Variants in CFAP54 observed in about 807,000 individuals in gnomAD.
CFAP54 encodes the protein cilia and flagella associated protein 54, also known as cilia- and flagella-associated protein 54.
In CFAP54, 290 loss-of-function variants were observed where a neutral mutation model predicts 370.4. The ratio of observed to expected loss-of-function variants is 0.78; its 90% confidence interval spans 0.71 to 0.86. CFAP54 has a LOEUF of 0.86. Ranked by LOEUF, CFAP54 falls within the 40% of genes least tolerant of loss-of-function variation. The pLI is 0.00. For synonymous variants in CFAP54, 1,206 were observed against 1,236.5 expected (o/e 0.98, Z 0.52); for missense variants, 3,399 against 3,528.7 (o/e 0.96, Z 0.93).
At chr12:96,578,321 C>T (rs1018915856) in intron 20 of CFAP54, among the ~76,000 whole-genome samples, 1 of 152,178 alleles carries the variant, frequency 6.6e-6, no homozygotes, top group Admixed American at 6.5e-5. Flanking sequence ...ATAGAAGTGA[C>T]ATTCATCTTA....
intron 48 of CFAP54, among the ~76,000 whole-genome samples, chr12:96,716,637 G>T (rs1263939491): frequency 1.3e-5 from 2 of 152,192 alleles, no homozygotes; most frequent in African/African-American, 2.4e-5. Context: ...ACAAGGGGCT[G>T]TGTTTTGCAG....
Position 96,707,917 on chromosome 12 carries a change from AAG to A in CFAP54, c.6529-682_6529-681del, listed in dbSNP as rs368002069. Among the ~76,000 whole-genome samples the A allele has an allele frequency of 4.2e-3, 639 of 152,196 alleles. 7 individuals carry two copies. The highest frequency in any genetic ancestry group is 0.036 in the South Asian group (174 of 4,818). On this transcript the variant is annotated intron_variant, in intron 47 of 67. Transcript: ENST00000524981. ...AAGGGCGCAAAATGGTTGTCTAAGA[AAG>A]AGAGAGAGGGTGAATGGACTGGCAA...
At chr12:96,517,478 G>A (rs1271306116) in intron 5 of CFAP54, among the ~76,000 whole-genome samples, 1 of 152,146 alleles carries the variant, frequency 6.6e-6, no homozygotes, top group Admixed American at 6.5e-5. Flanking sequence ...ATTTAAAGGG[G>A]AAATTTAGGC....
At chr12:96,661,886 G>A (rs1417745435) in intron 38 of CFAP54, among the ~76,000 whole-genome samples, 1 of 152,010 alleles carries the variant, frequency 6.6e-6, no homozygotes, top group Non-Finnish European at 1.5e-5. Flanking sequence ...TCTAAATTTA[G>A]CACATCTCAA....
intron 45 of CFAP54, among the ~76,000 whole-genome samples, chr12:96,698,271 G>A (rs1212432877): frequency 6.6e-6 from 1 of 151,794 alleles, no homozygotes; most frequent in Non-Finnish European, 1.5e-5. Flanking sequence ...TGATCCTGCT[G>A]GATTATATTC....
chr12:96,823,640 A>G (rs1242031096), intron 65 of CFAP54, among the ~76,000 whole-genome samples: 2 of 152,142 alleles, frequency 1.3e-5, no homozygotes, highest in Non-Finnish European at 2.9e-5. Context: ...TGTCTCTCCA[A>G]TTGCCCTCAC....
At chr12:96,663,286 G>A (rs1957016721) in intron 38 of CFAP54, among the ~76,000 whole-genome samples, 1 of 152,176 alleles carries the variant, frequency 6.6e-6, no homozygotes. Context: ...TTCAAGGGAT[G>A]GGAGTGAAGA....
chr12:96,533,790 A>C lies in CFAP54; in HGVS notation c.1358-2A>C. The C allele has an allele frequency of 1.3e-6, 2 of 1,502,902 alleles. No individual in the cohort carries two copies. The highest frequency in any genetic ancestry group is 1.8e-6 in the Non-Finnish European group (2 of 1,134,874). The allele number at this position is 1,502,902 out of a possible 1,614,324, so 93.1% of individuals were successfully genotyped here. The stretch of plus-strand genomic sequence containing the variant: ...TTCAAAACTCTCTTCTTCCTTTCCT[A>C]GTGTCAAATATTGGTGCAGATGGAA... On this transcript the variant is annotated splice_acceptor_variant, in intron 9 of 67. Coordinates refer to ENST00000524981, the MANE Select transcript of CFAP54 (RefSeq NM_001306084.2). LOFTEE classifies it high-confidence loss of function.
rs144322110 is a variant in CFAP54 at position 96,656,556 on chromosome 12, T to C, written c.5101-1326T>C. Among the ~76,000 whole-genome samples, 1,174 of 152,318 alleles carry C rather than the reference T, an allele frequency of 7.7e-3. 12 individuals are homozygous for C. The highest frequency in any genetic ancestry group is 0.02 in the Middle Eastern group (6 of 294). Reference sequence around the variant, plus strand: ...GCCACCACACCCAGCTAATTTTGTATTTTTAGTAGAGACAGGGTTTCTCCA... The same window carrying C: ...GCCACCACACCCAGCTAATTTTGTACTTTTAGTAGAGACAGGGTTTCTCCA... On this transcript the variant is annotated intron_variant, in intron 36 of 67. Coordinates refer to ENST00000524981, the MANE Select transcript of CFAP54 (RefSeq NM_001306084.2).
Position 96,511,940 on chromosome 12 carries a change from A to G in CFAP54, c.740-1046A>G, listed in dbSNP as rs1459870094. ...TACCATCTTTTGGGTATGTTTATAG[A>G]TAGATAAACTGCTTGTATACAGAGA... On this transcript the variant is annotated intron_variant, in intron 4 of 67. Transcript: ENST00000524981. Among the ~76,000 whole-genome samples the G allele has an allele frequency of 2.0e-5, 3 of 152,122 alleles. No individual in the cohort carries two copies. In the East Asian group the frequency reaches 5.8e-4, roughly 29 times the overall value.
chr12:96,657,694 A>G (rs990475166), intron 36 of CFAP54, among the ~76,000 whole-genome samples, 188 bp from the exon 37 acceptor site: 6 of 152,262 alleles, frequency 3.9e-5, no homozygotes, highest in African/African-American at 1.4e-4. Flanking sequence ...GCACGTTTCC[A>G]TCATCACAGC....
chr12:96,711,112 A>G (rs1957608716), intron 48 of CFAP54, among the ~76,000 whole-genome samples: 1 of 152,052 alleles, frequency 6.6e-6, no homozygotes, highest in African/African-American at 2.4e-5. Flanking sequence ...AAAATTATCT[A>G]TTTCTTGACT....
chr12:96,535,556 C>T lies in CFAP54; in HGVS notation c.1747C>T (p.His583Tyr), dbSNP rs527734480. The change falls in exon 12 of 68, where the codon CAT becomes TAT. Residue 583 changes from histidine to tyrosine, a missense_variant. His to Tyr is a moderately conservative substitution (Grantham distance 83). Coordinates refer to ENST00000524981, the MANE Select transcript of CFAP54 (RefSeq NM_001306084.2). Reference protein sequence around the residue: ...KTCGYSEDIFHLAATLYVCVC... With the variant: ...KTCGYSEDIFYLAATLYVCVC... Reference sequence around the variant, plus strand: ...TTGTGGATATTCAGAGGATATTTTCCATTTGGCAGCAACCTTGTATGTCTG... The same window carrying T: ...TTGTGGATATTCAGAGGATATTTTCTATTTGGCAGCAACCTTGTATGTCTG... The T allele has an allele frequency of 9.8e-6, 15 of 1,536,008 alleles. No homozygotes were observed. The highest frequency in any genetic ancestry group is 4.1e-5 in the African/African-American group (3 of 73,090).
intron 26 of CFAP54, among the ~76,000 whole-genome samples, chr12:96,612,965 G>C (rs1028059974): frequency 6.6e-6 from 1 of 152,158 alleles, no homozygotes; most frequent in Non-Finnish European, 1.5e-5. Flanking sequence ...AGATCAATGA[G>C]ACAGAAAGTT....
chr12:96,537,745 T>G (rs974311466), intron 12 of CFAP54, among the ~76,000 whole-genome samples: 1 of 152,140 alleles, frequency 6.6e-6, no homozygotes, highest in Non-Finnish European at 1.5e-5. Flanking sequence ...TAAAAATGTT[T>G]GGGAATTTTC....
chr12:96,789,136 T>G (rs1958658210), intron 62 of CFAP54, among the ~76,000 whole-genome samples: 1 of 152,212 alleles, frequency 6.6e-6, no homozygotes, highest in Non-Finnish European at 1.5e-5. Context: ...TTCAGGCTCC[T>G]CATGTGGGGA....
At chr12:96,810,133 G>A (rs34454) in intron 63 of CFAP54, among the ~76,000 whole-genome samples, 85,146 of 151,298 alleles carry the variant, frequency 0.56, 24,353 homozygotes, top group South Asian at 0.64. Context: ...TGTTTGCAGT[G>A]CCACCTACTC....
intron 32 of CFAP54, 80 bp from the exon 33 acceptor site, chr12:96,644,098 T>A: frequency 2.1e-6 from 2 of 959,622 alleles, no homozygotes; most frequent in Admixed American, 2.5e-5. Flanking sequence ...TGATGTATTA[T>A]TTCCAAATTG....
chr12:96,741,967 A>G (rs1958056428), intron 51 of CFAP54, among the ~76,000 whole-genome samples: 1 of 152,216 alleles, frequency 6.6e-6, no homozygotes, highest in African/African-American at 2.4e-5. Context: ...TAAAATGGAA[A>G]TGATTATAAT....
Sources: allele counts gnomAD v4.1 joint callset (sites outside exome capture counted in the v4.1 genomes callset), GRCh38; gene constraint gnomAD v4.1.1; transcripts MANE v1.5; gene names NCBI Gene and HGNC (gene_info 2026-07-23, HGNC 2026-07-21).